Variants in GALNT17 observed in about 807,000 individuals in gnomAD.
GALNT17 encodes polypeptide N-acetylgalactosaminyltransferase 17.
In GALNT17, 29 loss-of-function variants were observed where a neutral mutation model predicts 63.7. That is an observed-to-expected ratio of 0.46 (90% confidence interval 0.34 to 0.62). GALNT17 has a LOEUF of 0.62. GALNT17 is among the 20% of genes least tolerant of loss of function. The probability of loss-of-function intolerance (pLI) is 0.01; values close to 1 mark genes in which losing one functional copy is unlikely to be tolerated. For missense variants in GALNT17, 603 were observed against 799.6 expected (o/e 0.75, Z 2.97); for synonymous variants, 305 against 318.3 (o/e 0.96, Z 0.45).
intron 2 of GALNT17, among the ~76,000 whole-genome samples, chr7:71,379,570 A>G (rs915951600): frequency 1.3e-5 from 2 of 152,150 alleles, no homozygotes; most frequent in Non-Finnish European, 2.9e-5. Flanking sequence ...GAAGGGACAA[A>G]TGTCACACAG....
At chr7:71,543,951 C>T (rs1220885101) in intron 5 of GALNT17, among the ~76,000 whole-genome samples, 3 of 151,710 alleles carry the variant, frequency 2.0e-5, no homozygotes, top group South Asian at 2.1e-4. Flanking sequence ...TGCCACTGCA[C>T]CCAGCTAATT....
intron 2 of GALNT17, among the ~76,000 whole-genome samples, chr7:71,342,982 C>G (rs1792031948): frequency 6.6e-6 from 1 of 152,200 alleles, no homozygotes; most frequent in African/African-American, 2.4e-5. Flanking sequence ...TTAGATTATT[C>G]TGGCCACTAT....
chr7:71,206,114 T>C (rs1789266164), intron 1 of GALNT17, among the ~76,000 whole-genome samples: 1 of 148,666 alleles, frequency 6.7e-6, no homozygotes, highest in Non-Finnish European at 1.5e-5. Flanking sequence ...TGTGTATACA[T>C]ATGAGGTGTG....
intron 1 of GALNT17, among the ~76,000 whole-genome samples, chr7:71,165,403 G>A (rs879266266): frequency 1.3e-4 from 20 of 152,192 alleles, no homozygotes; most frequent in African/African-American, 4.1e-4. Context: ...ATAGTTCCAC[G>A]TGGCTAGGGA....
intron 6 of GALNT17, among the ~76,000 whole-genome samples, chr7:71,591,125 C>T (rs550521385): frequency 2.6e-5 from 4 of 152,238 alleles, no homozygotes; most frequent in African/African-American, 7.2e-5. Context: ...GGCTTCATCT[C>T]GGCTCACTGC....
chr7:71,499,565 G>T (rs558679589), intron 5 of GALNT17, among the ~76,000 whole-genome samples: 4 of 152,134 alleles, frequency 2.6e-5, no homozygotes, highest in African/African-American at 9.7e-5. Flanking sequence ...TTAATGATAC[G>T]ATTGTTTTAT....
chr7:71,694,536 C>T (rs1267451304), intron 9 of GALNT17, among the ~76,000 whole-genome samples: 1 of 152,008 alleles, frequency 6.6e-6, no homozygotes, highest in Non-Finnish European at 1.5e-5. Flanking sequence ...GCTGTGATTA[C>T]AGATGTGCAC....
At chr7:71,368,533 G>A (rs1037119034) in intron 2 of GALNT17, among the ~76,000 whole-genome samples, 8 of 152,028 alleles carry the variant, frequency 5.3e-5, no homozygotes, top group Non-Finnish European at 7.4e-5. Context: ...CCTGGGCCCC[G>A]TTGATCTCCT....
chr7:71,580,176 TTAGA>T lies in GALNT17; in HGVS notation c.1080+8779_1080+8782del, dbSNP rs557288656. ...ATGATATAGATAGATGAGATATAGG[TTAGA>T]TAGAGATGATGGATTCGATAGATGA... is the stretch of plus-strand genomic sequence containing the variant. On this transcript the variant is annotated intron_variant, in intron 6 of 10. Transcript: ENST00000333538. Among the ~76,000 whole-genome samples the T allele has an allele frequency of 2.4e-3, 358 of 150,950 alleles. 1 individual carries two copies. Among genetic ancestry groups the T allele is most frequent in the Non-Finnish European group, 4.3e-3 (292 of 67,712 alleles).
chr7:71,210,972 T>C (rs1319847011), intron 1 of GALNT17, among the ~76,000 whole-genome samples: 1 of 152,242 alleles, frequency 6.6e-6, no homozygotes, highest in Non-Finnish European at 1.5e-5. Flanking sequence ...GCTCTGTATT[T>C]CCAAAAATAT....
intron 1 of GALNT17, among the ~76,000 whole-genome samples, chr7:71,164,240 G>C (rs749331738): frequency 6.6e-6 from 1 of 152,196 alleles, no homozygotes; most frequent in Admixed American, 6.5e-5. Flanking sequence ...AGGTTTAATT[G>C]ACTCACAGTT....
intron 9 of GALNT17, among the ~76,000 whole-genome samples, chr7:71,680,719 TCCCTCTCTCCCTCCC>T (rs1468597232): frequency 4.0e-4 from 16 of 40,210 alleles, no homozygotes; most frequent in African/African-American, 9.7e-4. Flanking sequence ...CCTTCCTTCC[TCCCTCTCTCCCTCCC>T]TCCTTCCTTT....
intron 1 of GALNT17, among the ~76,000 whole-genome samples, chr7:71,316,174 G>A (rs776190329): frequency 9.7e-5 from 11 of 113,814 alleles, no homozygotes; most frequent in Non-Finnish European, 1.5e-4. Context: ...CAGGAGCCTC[G>A]CAGGCCGCCT....
intron 6 of GALNT17, among the ~76,000 whole-genome samples, chr7:71,645,889 G>A (rs1008243037): frequency 6.6e-6 from 1 of 152,150 alleles, no homozygotes; most frequent in Admixed American, 6.5e-5. Flanking sequence ...GTCATGTCAT[G>A]GTTGTGAATG....
At chr7:71,174,088 G>A (rs1328255865) in intron 1 of GALNT17, among the ~76,000 whole-genome samples, 1 of 152,184 alleles carries the variant, frequency 6.6e-6, no homozygotes, top group East Asian at 1.9e-4. Flanking sequence ...GCATGGAGTT[G>A]ACAAGGACGG....
intron 2 of GALNT17, among the ~76,000 whole-genome samples, chr7:71,344,822 G>A (rs2527294): frequency 0.65 from 99,343 of 151,988 alleles, 32,890 homozygotes; most frequent in African/African-American, 0.76. Context: ...GCTGGATTCA[G>A]GAAAATCCTA....
intron 1 of GALNT17, among the ~76,000 whole-genome samples, chr7:71,212,122 A>G (rs1215093745): frequency 6.6e-6 from 1 of 152,164 alleles, no homozygotes; most frequent in Non-Finnish European, 1.5e-5. Context: ...GAAGCCCAGG[A>G]GGAAAAAGTG....
intron 5 of GALNT17, among the ~76,000 whole-genome samples, chr7:71,501,435 T>TA (rs1201482688): frequency 4.6e-5 from 7 of 151,898 alleles, no homozygotes; most frequent in Admixed American, 3.3e-4. Flanking sequence ...TGGCTAACTT[T>TA]AAAAAAAAGA....
At position 71,710,900 on chromosome 7, in the gene GALNT17, G is replaced by A. The variant is rs1791782689; in HGVS notation, c.1640G>A (p.Ser547Asn). The A allele has an allele frequency of 3.7e-6, 6 of 1,613,922 alleles. No individual in the cohort carries two copies. Among genetic ancestry groups the A allele is most frequent in the Non-Finnish European group, 5.1e-6 (6 of 1,180,034 alleles). Residue 547 changes from serine (S) to asparagine (N), a missense_variant, in exon 10 of 11, where the codon AGC (serine) becomes AAC (asparagine). Physicochemically the swap from Ser to Asn is conservative, Grantham distance 46. Coordinates refer to ENST00000333538, the MANE Select transcript of GALNT17 (RefSeq NM_022479.3). ...QLLDCDKVKS[S>N]LYKRWNFIQN... ...CTGGACTGCGACAAGGTCAAGAGCA[G>A]CCTGTACAAGCGCTGGAACTTCATC...
Sources: allele counts gnomAD v4.1 joint callset (sites outside exome capture counted in the v4.1 genomes callset), GRCh38; gene constraint gnomAD v4.1.1; transcripts MANE v1.5; gene names NCBI Gene and HGNC (gene_info 2026-07-23, HGNC 2026-07-21).